The following TPRG1 variants were observed in gnomAD, a reference collection of about 807,000 sequenced individuals.
TPRG1 encodes tumor protein p63 regulated 1, also known as tumor protein p63-regulated gene 1 protein.
TPRG1 carries 29 observed loss-of-function variants against 29.3 expected under a neutral mutation model. The ratio of observed to expected loss-of-function variants is 0.99; its 90% CI spans 0.74 to 1.35. The LOEUF (loss-of-function observed/expected upper bound fraction) is 1.35. Ranked by LOEUF, TPRG1 falls within the 40% of genes most tolerant of loss-of-function variation. TPRG1 has a pLI of 0.00. For missense variants in TPRG1, 327 were observed against 335.0 expected (o/e 0.98, Z 0.19); for synonymous variants, 130 against 116.8 (o/e 1.11, Z -0.73).
At chr3:189,080,425 G>A (rs1280881319) in intron 4 of TPRG1, among the ~76,000 whole-genome samples, 1 of 152,162 alleles carries the variant, frequency 6.6e-6, no homozygotes, top group African/African-American at 2.4e-5. Context: ...AAAATACACA[G>A]AAATAGGAAA....
At chr3:189,224,256 G>T (rs1279597939) in intron 3 of TPRG1, among the ~76,000 whole-genome samples, 1 of 152,208 alleles carries the variant, frequency 6.6e-6, no homozygotes, top group African/African-American at 2.4e-5. Flanking sequence ...GCGAAAGCGG[G>T]TGGATCACGA....
intron 1 of TPRG1, among the ~76,000 whole-genome samples, chr3:189,126,038 C>T (rs1338087397): frequency 6.6e-6 from 1 of 152,022 alleles, no homozygotes; most frequent in Non-Finnish European, 1.5e-5. Context: ...TAAGCACTGC[C>T]GATGCCTGGA....
chr3:189,083,561 C>T (rs952161953), intron 4 of TPRG1, among the ~76,000 whole-genome samples: 1 of 152,202 alleles, frequency 6.6e-6, no homozygotes, highest in Non-Finnish European at 1.5e-5. Flanking sequence ...TCATCCTTCC[C>T]TCTCTAGATC....
chr3:189,225,367 C>A (rs1406707594), intron 3 of TPRG1, among the ~76,000 whole-genome samples: 1 of 152,116 alleles, frequency 6.6e-6, no homozygotes, highest in Non-Finnish European at 1.5e-5. Flanking sequence ...TTACAGCACA[C>A]CATTGCTTTT....
intron 1 of TPRG1, among the ~76,000 whole-genome samples, chr3:189,110,412 T>A (rs548055164): frequency 1.3e-5 from 2 of 152,174 alleles, no homozygotes; most frequent in African/African-American, 2.4e-5. Context: ...AATGTTGGGT[T>A]TTTAGACTTC....
intron 4 of TPRG1, among the ~76,000 whole-genome samples, chr3:189,040,379 C>A (rs1714552828): frequency 6.6e-6 from 1 of 152,196 alleles, no homozygotes; most frequent in South Asian, 2.1e-4. Context: ...AAATAAGCCT[C>A]CTCAGTTTTG....
chr3:189,270,130 T>A (rs1714851096), intron 4 of TPRG1, among the ~76,000 whole-genome samples: 1 of 151,938 alleles, frequency 6.6e-6, no homozygotes, highest in Non-Finnish European at 1.5e-5. Context: ...GAAATAAAAT[T>A]TGATAATTTA....
chr3:189,282,215 CAA>C (rs577174841), intron 4 of TPRG1, among the ~76,000 whole-genome samples: 13 of 94,736 alleles, frequency 1.4e-4, no homozygotes, highest in African/African-American at 9.1e-5. Context: ...TAGTCCTTTC[CAA>C]AAAAAAAAAA....
intron 1 of TPRG1, among the ~76,000 whole-genome samples, chr3:188,998,489 G>T (rs978904296): frequency 6.6e-6 from 1 of 152,198 alleles, no homozygotes; most frequent in Non-Finnish European, 1.5e-5. Context: ...GAGTTTTGTG[G>T]GTCATGGTAA....
chr3:189,144,257 A>C (rs1724955780), intron 3 of TPRG1, among the ~76,000 whole-genome samples: 1 of 152,202 alleles, frequency 6.6e-6, no homozygotes, highest in Non-Finnish European at 1.5e-5. Flanking sequence ...TGTGGCAAGA[A>C]AGCTTTGTTT....
intron 4 of TPRG1, among the ~76,000 whole-genome samples, chr3:189,256,526 T>C (rs2109021057): frequency 6.6e-6 from 1 of 152,276 alleles, no homozygotes; most frequent in Admixed American, 6.5e-5. Context: ...TAGGTCTGCT[T>C]GGTCCAGAGC....
intron 5 of TPRG1, among the ~76,000 whole-genome samples, chr3:189,166,905 T>A (rs1484440679): frequency 1.3e-5 from 2 of 152,320 alleles, no homozygotes; most frequent in South Asian, 2.1e-4. Context: ...GTGACTGAAC[T>A]GGGGGTGGGA....
chr3:189,227,017 G>T (rs573892498), intron 3 of TPRG1, among the ~76,000 whole-genome samples: 1 of 151,090 alleles, frequency 6.6e-6, no homozygotes, highest in East Asian at 1.9e-4. Flanking sequence ...CAACATGAAA[G>T]AAAAAAAATT....
intron 4 of TPRG1, among the ~76,000 whole-genome samples, chr3:189,041,006 T>C (rs960818157): frequency 2.4e-4 from 36 of 152,290 alleles, no homozygotes; most frequent in African/African-American, 7.5e-4. Flanking sequence ...ACTGTTTCCA[T>C]TTTAGGCTGA....
intron 4 of TPRG1, among the ~76,000 whole-genome samples, chr3:189,148,618 G>T (rs976155435): frequency 6.6e-6 from 1 of 152,238 alleles, no homozygotes; most frequent in Non-Finnish European, 1.5e-5. Context: ...TAGAAAAAAG[G>T]CTGGGAAAAG....
chr3:188,998,796 G>A (rs367678637), intron 1 of TPRG1, among the ~76,000 whole-genome samples: 1 of 152,178 alleles, frequency 6.6e-6, no homozygotes, highest in African/African-American at 2.4e-5. Context: ...AGAGTGGAAT[G>A]ATGCTTACCA....
At chr3:189,197,979 G>A (rs563316364) in intron 1 of TPRG1, among the ~76,000 whole-genome samples, 27 of 152,328 alleles carry the variant, frequency 1.8e-4, no homozygotes, top group African/African-American at 6.5e-4. Flanking sequence ...TAAGTGGGTT[G>A]ACTGTGAGAA....
chr3:189,207,933 A>G (rs1734658229), intron 2 of TPRG1, among the ~76,000 whole-genome samples: 2 of 152,218 alleles, frequency 1.3e-5, no homozygotes, highest in African/African-American at 2.4e-5. Flanking sequence ...AAAGCTGTTA[A>G]TCCAGTGAGG....
At chr3:189,225,125 G>A (rs1180588643) in intron 3 of TPRG1, among the ~76,000 whole-genome samples, 1 of 151,992 alleles carries the variant, frequency 6.6e-6, no homozygotes, top group Non-Finnish European at 1.5e-5. Flanking sequence ...TAGAGATGGG[G>A]TTTCACTCTG....
Sources: gnomAD v4.1 joint callset for allele counts (sites outside exome capture counted in the v4.1 genomes callset) on GRCh38, gnomAD v4.1.1 for gene constraint, MANE v1.5 for transcripts, NCBI Gene and HGNC (gene_info 2026-07-23, HGNC 2026-07-21) for gene names.